TTC13: variants seen among roughly 807,000 people sequenced by gnomAD.
TTC13 encodes the protein tetratricopeptide repeat protein 13.
A neutral mutation model predicts 120.0 loss-of-function variants in TTC13; 62 were observed. The observed-to-expected ratio is 0.52, with a 90% CI of 0.42 to 0.64. TTC13 has a LOEUF of 0.64. TTC13 is among the 30% of genes least tolerant of loss of function. TTC13 has a pLI of 0.00. For missense variants in TTC13, 824 were observed against 1,050.2 expected (o/e 0.78, Z 2.98); for synonymous variants, 384 against 393.5 (o/e 0.98, Z 0.28).
rs919490694 is a variant in TTC13 at position 230,961,539 on chromosome 1, G to A, written c.272-236C>T. 7.2e-5 allele frequency among the ~76,000 whole-genome samples: 11 copies of A among 152,000 alleles called. No homozygotes were observed. In the East Asian group the frequency reaches 2.2e-3, roughly 30 times the overall value. On this transcript the variant is annotated intron_variant, in intron 1 of 22. Coordinates refer to ENST00000366661, the MANE Select transcript of TTC13 (RefSeq NM_024525.5). ...TGGGCAACAGCAAACCAACCAGGCT[G>A]GGTCTCAAACAGTGAGACCCTGTCT... is the stretch of plus-strand genomic sequence containing the variant.
intron 22 of TTC13, 78 bp downstream of exon 22, chr1:230,908,634 A>T: frequency 8.8e-7 from 1 of 1,131,266 alleles, no homozygotes; most frequent in Non-Finnish European, 1.3e-6. Flanking sequence ...CAGTTTTCAT[A>T]GCGCTCCAAA....
rs1051209580 is a variant in TTC13, at chr1:230,925,548, A to T, written c.1557T>A (p.Pro519=). 3.7e-6 allele frequency: 6 copies of T among 1,614,020 alleles called. No individual in the cohort carries two copies. The highest frequency in any genetic ancestry group is 1.7e-5 in the Admixed American group (1 of 60,000). Residue 519 remains proline, a synonymous_variant, in exon 13 of 23, where the codon CCT becomes CCA. Coordinates refer to ENST00000366661, the MANE Select transcript of TTC13 (RefSeq NM_024525.5). The part of the protein sequence containing the change: ...RLGSLMQYET[P]GFLPNKRIHR... ...GTATTCTCTTGTTTGGCAGGAAACC[A>T]GGTGTTTCATATTGCATCAGGGATC...
rs193186249 is a variant in TTC13, at chr1:230,954,695, A to G, written c.443-292T>C. Among the ~76,000 whole-genome samples the G allele has an allele frequency of 1.8e-3, 278 of 152,362 alleles. 1 individual carries two copies. Among genetic ancestry groups the G allele is most frequent in the South Asian group, 3.3e-3 (16 of 4,832 alleles). The stretch of plus-strand genomic sequence containing the variant: ...GCCATCATTCATTTTCAAATCCCAA[A>G]TAATCTTTGTGATGTCTCCTAGCTA... On this transcript the variant is annotated intron_variant, in intron 3 of 22. Transcript: ENST00000366661.
intron 8 of TTC13, among the ~76,000 whole-genome samples, chr1:230,934,486 AC>A (rs1259774831): frequency 6.6e-6 from 1 of 152,236 alleles, no homozygotes; most frequent in Non-Finnish European, 1.5e-5. Context: ...GAAAGTGAGA[AC>A]TGCTAAGCAG....
At chr1:230,955,651 AC>A (rs1676007564) in intron 3 of TTC13, among the ~76,000 whole-genome samples, 1 of 107,786 alleles carries the variant, frequency 9.3e-6, no homozygotes. Flanking sequence ...AGCCTGGGCG[AC>A]AGAGAGAGAC....
chr1:230,937,902 G>A (rs898590654), intron 8 of TTC13, among the ~76,000 whole-genome samples: 4 of 152,292 alleles, frequency 2.6e-5, no homozygotes, highest in Non-Finnish European at 5.9e-5. Flanking sequence ...AGCTTGGAGC[G>A]AGAGCTCAAA....
intron 12 of TTC13, 32 bp downstream of exon 12, chr1:230,928,905 A>T: frequency 6.3e-7 from 1 of 1,589,198 alleles, no homozygotes. Flanking sequence ...TTGAGAAAGG[A>T]AAAAAAAATC....
chr1:230,969,412 T>TGAAA (rs1426613511), intron 1 of TTC13, among the ~76,000 whole-genome samples: 35 of 152,348 alleles, frequency 2.3e-4, no homozygotes, highest in Admixed American at 9.1e-4. Context: ...TCCATTTCTT[T>TGAAA]GAAAGGTTCT....
chr1:230,915,136 C>T (rs920382970), intron 18 of TTC13, among the ~76,000 whole-genome samples: 2 of 152,150 alleles, frequency 1.3e-5, no homozygotes, highest in African/African-American at 2.4e-5. Flanking sequence ...CTGGAAGTTG[C>T]TGAACTGGTG....
chr1:230,925,796 C>G (rs984802102), intron 12 of TTC13, 149 bp from the exon 13 acceptor site: 17 of 815,196 alleles, frequency 2.1e-5, no homozygotes, highest in Non-Finnish European at 3.3e-5. Flanking sequence ...TTGCACCCAA[C>G]CATACCTCAG....
At chr1:230,927,335 A>G (rs1018554371) in intron 12 of TTC13, among the ~76,000 whole-genome samples, 2 of 152,194 alleles carry the variant, frequency 1.3e-5, no homozygotes, top group Admixed American at 1.3e-4. Flanking sequence ...GTAGCAACTT[A>G]TACTCTAACC....
At chr1:230,954,509 G>A (rs1675874397) in intron 3 of TTC13, 106 bp from the exon 4 acceptor site, 1 of 829,174 alleles carries the variant, frequency 1.2e-6, no homozygotes, top group East Asian at 2.7e-5. Context: ...CCAAGCACTG[G>A]AAGCAGTTAA....
At chr1:230,915,663 T>C (rs1423219210) in intron 18 of TTC13, among the ~76,000 whole-genome samples, 1 of 152,180 alleles carries the variant, frequency 6.6e-6, no homozygotes, top group African/African-American at 2.4e-5. Flanking sequence ...TAGAACAGTC[T>C]AACCTCAGTT....
chr1:230,936,305 G>T (rs144887907), intron 8 of TTC13: 1 of 450,462 alleles, frequency 2.2e-6, no homozygotes. Context: ...ATTTTAAGGC[G>T]TTGGGAACAA....
chr1:230,928,850 G>A (rs975083579), intron 12 of TTC13, 87 bp downstream of exon 12: 1 of 1,412,594 alleles, frequency 7.1e-7, no homozygotes, highest in Non-Finnish European at 9.8e-7. Flanking sequence ...ACCCTCCCAA[G>A]TAGCAGGGAG....
intron 14 of TTC13, among the ~76,000 whole-genome samples, chr1:230,924,170 T>C (rs972422861): frequency 2.0e-5 from 3 of 152,180 alleles, no homozygotes; most frequent in Non-Finnish European, 2.9e-5. Context: ...ATATCAAAGG[T>C]TACTCTAAAC....
At chr1:230,955,522 T>A (rs981005142) in intron 3 of TTC13, among the ~76,000 whole-genome samples, 1 of 128,106 alleles carries the variant, frequency 7.8e-6, no homozygotes, top group Non-Finnish European at 1.7e-5. Flanking sequence ...AAAAAAAAAA[T>A]TAGCTGGGCG....
At chr1:230,931,224 T>TA (rs1465107666) in intron 11 of TTC13, 74 bp downstream of exon 11, 1 of 1,513,608 alleles carries the variant, frequency 6.6e-7, no homozygotes, top group Non-Finnish European at 9.0e-7. Flanking sequence ...ATACGAAACA[T>TA]AAAAGAGTCA....
chr1:230,923,593 C>T (rs1672787469), intron 15 of TTC13, among the ~76,000 whole-genome samples: 1 of 152,048 alleles, frequency 6.6e-6, no homozygotes, highest in African/African-American at 2.4e-5. Context: ...CTGCAATCTA[C>T]CCTTCGGTTG....
Sources: allele counts gnomAD v4.1 joint callset (sites outside exome capture counted in the v4.1 genomes callset), GRCh38; gene constraint gnomAD v4.1.1; transcripts MANE v1.5; gene names NCBI Gene and HGNC (gene_info 2026-07-23, HGNC 2026-07-21).